The following CLVS2 variants were observed in gnomAD, a reference collection of about 807,000 sequenced individuals.
CLVS2 encodes the protein clavesin-2.
CLVS2 carries 19 observed loss-of-function variants against 29.0 expected under a neutral mutation model. The ratio of observed to expected loss-of-function variants is 0.66; its 90% CI spans 0.46 to 0.96. The LOEUF (loss-of-function observed/expected upper bound fraction) is 0.96, where lower values mean the gene tolerates loss of function less well. Among genes scored for constraint, CLVS2 ranks in the 40% least tolerant of loss-of-function variants. The probability of loss-of-function intolerance (pLI) is 0.00; values close to 1 mark genes in which losing one functional copy is unlikely to be tolerated. For synonymous variants in CLVS2, 161 were observed against 151.3 expected (o/e 1.06, Z -0.47); for missense variants, 294 against 404.1 (o/e 0.73, Z 2.34).
At chr6:123,035,903 A>G (rs150653711) in intron 3 of CLVS2, among the ~76,000 whole-genome samples, 2 of 152,264 alleles carry the variant, frequency 1.3e-5, no homozygotes, top group East Asian at 3.9e-4. Context: ...TTTATGCAAC[A>G]GTGATGTGGC....
intron 5 of CLVS2, among the ~76,000 whole-genome samples, chr6:123,060,623 G>T (rs1582666872): frequency 6.6e-6 from 1 of 152,176 alleles, no homozygotes; most frequent in Non-Finnish European, 1.5e-5. Flanking sequence ...TAACTACAAA[G>T]TAGCAATGCT....
chr6:123,041,259 TATAA>T (rs2114346163), intron 3 of CLVS2, among the ~76,000 whole-genome samples: 1 of 152,214 alleles, frequency 6.6e-6, no homozygotes, highest in South Asian at 2.1e-4. Context: ...CTGTCCAAAC[TATAA>T]ATAGTGATTG....
At chr6:123,051,652 C>T (rs1772613923) in intron 4 of CLVS2, among the ~76,000 whole-genome samples, 1 of 152,170 alleles carries the variant, frequency 6.6e-6, no homozygotes, top group Non-Finnish European at 1.5e-5. Flanking sequence ...GTCTTCTACT[C>T]CTTGTTGATT....
chr6:123,025,184 G>C (rs1194102762), intron 3 of CLVS2, among the ~76,000 whole-genome samples: 1 of 152,048 alleles, frequency 6.6e-6, no homozygotes, highest in African/African-American at 2.4e-5. Context: ...AGGTCTGTTG[G>C]ACACAGGAAT....
In CLVS2 at chr6:123,063,791, G is replaced by A. The variant is rs1007548030; in HGVS notation, c.*30G>A. 1 of 1,449,504 alleles carries A rather than the reference G, an allele frequency of 6.9e-7. No homozygotes were observed. Among genetic ancestry groups the A allele is most frequent in the Non-Finnish European group, 9.7e-7 (1 of 1,032,020 alleles). The allele number at this position is 1,449,504 out of a possible 1,614,324, so 89.8% of individuals were successfully genotyped here. A position where few individuals can be genotyped will look rare whatever the true frequency, so the allele number is the denominator to read the frequency against. ...TTCTCTACATCCCCTTCATGGATTA[G>A]AAATGGAAAGTATTGGTTTTCAGCA... On this transcript the variant is annotated 3_prime_UTR_variant, in exon 6 of 6. Transcript: ENST00000275162.
rs1031028647 is a variant in CLVS2, at chr6:123,065,245, C to T, written c.*1484C>T. The T allele has an allele frequency of 1.3e-5, 2 of 151,634 alleles. No individual in the cohort carries two copies. Among genetic ancestry groups the T allele is most frequent in the Non-Finnish European group, 3.0e-5 (2 of 67,764 alleles). 9.4% of individuals were successfully genotyped at this position (151,634 alleles called of 1,614,324 possible). ...TTCAATGTGAAAAAATGATTTTTAT[C>T]ACCCATAATAAATTTTGAGATTGAG... On this transcript the variant is annotated 3_prime_UTR_variant, in exon 6 of 6. Coordinates refer to ENST00000275162, the MANE Select transcript of CLVS2 (RefSeq NM_001010852.4).
intron 3 of CLVS2, among the ~76,000 whole-genome samples, chr6:123,013,696 C>T (rs546438792): frequency 1.3e-5 from 2 of 151,656 alleles, no homozygotes; most frequent in South Asian, 2.1e-4. Context: ...TTTTAGGGTA[C>T]ATGTGCACAT....
chr6:123,003,241 T>G (rs570221159), intron 2 of CLVS2, among the ~76,000 whole-genome samples: 1 of 152,356 alleles, frequency 6.6e-6, no homozygotes, highest in East Asian at 1.9e-4. Context: ...TATTTTCATG[T>G]TTCAAAATCA....
intron 3 of CLVS2, among the ~76,000 whole-genome samples, chr6:123,024,642 T>G (rs1207397759): frequency 6.6e-6 from 1 of 152,116 alleles, no homozygotes; most frequent in African/African-American, 2.4e-5. Flanking sequence ...ATTTGAAAGA[T>G]TCAGGATAAG....
In CLVS2 at chr6:122,998,122, C is replaced by T; in HGVS notation, c.345C>T (p.Gly115=). 1 of 1,613,816 alleles carries T rather than the reference C, an allele frequency of 6.2e-7. No homozygotes were observed. Among genetic ancestry groups the T allele is most frequent in the Non-Finnish European group, 8.5e-7 (1 of 1,180,024 alleles). ...PGGLANLDHY[G]RKILVLFAAN... is the part of the protein sequence containing the mutation. The stretch of plus-strand genomic sequence containing the variant: ...GCCTGGCCAATCTGGACCACTATGG[C>T]AGGAAGATTCTAGTCCTTTTTGCTG... Residue 115 remains glycine (G), a synonymous_variant, in exon 2 of 6, where the codon GGC becomes GGT. Coordinates refer to ENST00000275162, the MANE Select transcript of CLVS2 (RefSeq NM_001010852.4).
At chr6:123,047,501 A>T (rs1325280959) in intron 3 of CLVS2, among the ~76,000 whole-genome samples, 1 of 152,236 alleles carries the variant, frequency 6.6e-6, no homozygotes, top group African/African-American at 2.4e-5. Flanking sequence ...CTGCAAATCA[A>T]TATGCAAATA....
rs144093108 is a variant in CLVS2 at position 123,003,449 on chromosome 6, A to G, written c.389+5283A>G. On this transcript the variant is annotated intron_variant, in intron 2 of 5. Coordinates refer to ENST00000275162, the MANE Select transcript of CLVS2 (RefSeq NM_001010852.4). Reference sequence around the variant, plus strand: ...CTCTTACTTTACTGAGGGCAGGTACATCTATTTCACTATTATAGTAAGTGG... The same window carrying G: ...CTCTTACTTTACTGAGGGCAGGTACGTCTATTTCACTATTATAGTAAGTGG... Among the ~76,000 whole-genome samples, 65 of 152,334 alleles carry G rather than the reference A, an allele frequency of 4.3e-4. 2 individuals are homozygous for G. The South Asian group carries it at 6.6e-3, about 16-fold the overall frequency.
chr6:123,021,795 T>G (rs1774927745), intron 3 of CLVS2, among the ~76,000 whole-genome samples: 1 of 152,108 alleles, frequency 6.6e-6, no homozygotes, highest in Non-Finnish European at 1.5e-5. Flanking sequence ...GGTGAGGGTG[T>G]AACTCTAGGC....
chr6:123,035,028 T>C (rs1264577467), intron 3 of CLVS2, among the ~76,000 whole-genome samples: 1 of 152,166 alleles, frequency 6.6e-6, no homozygotes, highest in Non-Finnish European at 1.5e-5. Context: ...ACTTGTTGAA[T>C]GAGAAGAAAG....
chr6:123,061,438 A>G (rs969762697), intron 5 of CLVS2, among the ~76,000 whole-genome samples: 7 of 152,206 alleles, frequency 4.6e-5, no homozygotes, highest in African/African-American at 1.7e-4. Context: ...GTCATAAAAG[A>G]GACTAAAAAA....
chr6:123,051,134 C>T (rs1170180640), intron 4 of CLVS2, among the ~76,000 whole-genome samples: 2 of 152,068 alleles, frequency 1.3e-5, no homozygotes, highest in African/African-American at 4.8e-5. Flanking sequence ...ATTACTCACA[C>T]ACCTTATGCT....
At chr6:123,016,024 T>C (rs1363825338) in intron 3 of CLVS2, among the ~76,000 whole-genome samples, 36 of 72,636 alleles carry the variant, frequency 5.0e-4, no homozygotes, top group African/African-American at 1.8e-3. Flanking sequence ...CATCAGACTT[T>C]TTTTTTTTTT....
chr6:123,029,819 G>A lies in CLVS2; in HGVS notation c.564+18660G>A, dbSNP rs575157100. On this transcript the variant is annotated intron_variant, in intron 3 of 5. Coordinates refer to ENST00000275162, the MANE Select transcript of CLVS2 (RefSeq NM_001010852.4). ...CAGTTGGTTCACTTTAAGTATGTCA[G>A]CAGCCATATTTCTTACAAATACTGC... Among the ~76,000 whole-genome samples the A allele has an allele frequency of 1.6e-3, 238 of 152,250 alleles. 1 individual carries two copies. Among genetic ancestry groups the A allele is most frequent in the African/African-American group, 5.6e-3 (231 of 41,556 alleles).
In CLVS2 at chr6:123,065,087, A is replaced by G. The variant is rs1355291796; in HGVS notation, c.*1326A>G. ...AAAAAACACATTATATTCAGGAGAT[A>G]TAATGAAATTATTGGAAGGCATCTA... On this transcript the variant is annotated 3_prime_UTR_variant, in exon 6 of 6. Coordinates refer to ENST00000275162, the MANE Select transcript of CLVS2 (RefSeq NM_001010852.4). 1 of 151,890 alleles carries G rather than the reference A, an allele frequency of 6.6e-6. No homozygotes were observed. Among genetic ancestry groups the G allele is most frequent in the Non-Finnish European group, 1.5e-5 (1 of 67,828 alleles). The allele number at this position is 151,890 out of a possible 1,614,324, so 9.4% of individuals were successfully genotyped here.
Sources: gnomAD v4.1 joint callset for allele counts (sites outside exome capture counted in the v4.1 genomes callset) on GRCh38, gnomAD v4.1.1 for gene constraint, MANE v1.5 for transcripts, NCBI Gene and HGNC (gene_info 2026-07-23, HGNC 2026-07-21) for gene names.